ACSL3: variants seen among roughly 807,000 people sequenced by gnomAD.
ACSL3 encodes the protein fatty acid CoA ligase Acsl3.
In ACSL3, 34 loss-of-function variants were observed where a neutral mutation model predicts 84.7. The ratio of observed to expected loss-of-function variants is 0.40; its 90% CI spans 0.31 to 0.53. ACSL3 has a LOEUF of 0.53. Among genes scored for constraint, ACSL3 ranks in the 20% least tolerant of loss-of-function variants. The probability of loss-of-function intolerance (pLI) is 0.48; values close to 1 mark genes in which losing one functional copy is unlikely to be tolerated. For missense variants in ACSL3, 680 were observed against 873.1 expected, an observed-to-expected ratio of 0.78 and a Z score of 2.79; for synonymous variants, 315 against 299.4, an observed-to-expected ratio of 1.05 and a Z score of -0.54.
At chr2:222,877,110 A>T (rs1028897864) in intron 1 of ACSL3, among the ~76,000 whole-genome samples, 2 of 152,160 alleles carry the variant, frequency 1.3e-5, no homozygotes, top group East Asian at 3.9e-4. Context: ...GTTACAGGAT[A>T]AGTCAATTAA....
chr2:222,939,266 G>T (rs1243432530), intron 16 of ACSL3, among the ~76,000 whole-genome samples: 1 of 152,132 alleles, frequency 6.6e-6, no homozygotes, highest in East Asian at 1.9e-4. Flanking sequence ...AGAGGACTTT[G>T]TCCAGTCAGC....
chr2:222,888,771 C>A (rs374935253), intron 2 of ACSL3, among the ~76,000 whole-genome samples: 1 of 152,150 alleles, frequency 6.6e-6, no homozygotes, highest in African/African-American at 2.4e-5. Flanking sequence ...TCTTTCCAGA[C>A]GCTTTGTTTG....
chr2:222,910,971 C>G (rs1696425618), intron 4 of ACSL3, among the ~76,000 whole-genome samples: 1 of 151,764 alleles, frequency 6.6e-6, no homozygotes, highest in Non-Finnish European at 1.5e-5. Flanking sequence ...CTTTTCCAGC[C>G]TATGGATTGT....
At chr2:222,940,644 T>G (rs1697277898) in intron 16 of ACSL3, among the ~76,000 whole-genome samples, 1 of 152,244 alleles carries the variant, frequency 6.6e-6, no homozygotes, top group African/African-American at 2.4e-5. Flanking sequence ...AATACTTAAC[T>G]ATTGTGTTAC....
intron 16 of ACSL3, among the ~76,000 whole-genome samples, chr2:222,937,086 T>C (rs1697192330): frequency 6.6e-6 from 1 of 152,204 alleles, no homozygotes; most frequent in African/African-American, 2.4e-5. Context: ...TTTATTTGTG[T>C]CTTTTAAAAT....
At position 222,922,722 on chromosome 2, in the gene ACSL3, A is replaced by G. The variant is rs1345118671; in HGVS notation, c.971A>G (p.Tyr324Cys). 1.5e-5 allele frequency: 24 copies of G among 1,614,036 alleles called. No individual in the cohort carries two copies. The highest frequency in any genetic ancestry group is 4.0e-5 in the African/African-American group (3 of 74,948). The change falls in exon 9 of 17, where the codon TAC becomes TGC. Residue 324 changes from tyrosine (Y) to cysteine (C), a missense_variant. Transcript: ENST00000357430. ...RIPELGEEDVYIGYLPLAHVL... is the reference protein window; with the variant it reads ...RIPELGEEDVCIGYLPLAHVL... The stretch of plus-strand genomic sequence containing the variant: ...TTTTCTTTTAGAGAGGAAGATGTCT[A>G]CATTGGATATTTGCCTCTGGCCCAT...
In ACSL3 at chr2:222,898,271, C is replaced by T. The variant is rs536664193; in HGVS notation, c.-147-2403C>T. On this transcript the variant is annotated intron_variant, in intron 2 of 16. Coordinates refer to ENST00000357430, the MANE Select transcript of ACSL3 (RefSeq NM_004457.5). ...TTTTGATTCTTTTAAAGTTGTGTTT[C>T]GTCATACAGAAATGTTAACTCCTCT... 3.9e-5 allele frequency among the ~76,000 whole-genome samples: 6 copies of T among 152,098 alleles called. No homozygotes were observed. The East Asian group carries it at 7.7e-4, about 20-fold the overall frequency.
chr2:222,896,849 C>G (rs1299163146), intron 2 of ACSL3, among the ~76,000 whole-genome samples: 1 of 17,520 alleles, frequency 5.7e-5, no homozygotes, highest in Non-Finnish European at 8.7e-5. Flanking sequence ...ACCTCCCTCC[C>G]GGACGGGGCG....
At chr2:222,928,667 A>AAT (rs1384977588) in intron 12 of ACSL3, among the ~76,000 whole-genome samples, 195 bp from the exon 13 acceptor site, 3 of 152,014 alleles carry the variant, frequency 2.0e-5, no homozygotes, top group African/African-American at 7.2e-5. Context: ...AAAAAAAAAA[A>AAT]ACCTCAATGT....
intron 1 of ACSL3, among the ~76,000 whole-genome samples, chr2:222,883,897 A>G (rs1482641129): frequency 2.0e-5 from 3 of 152,160 alleles, no homozygotes; most frequent in South Asian, 2.1e-4. Flanking sequence ...ATTAATTTCA[A>G]AGAACTTTTT....
intron 13 of ACSL3, 143 bp from the exon 14 acceptor site, chr2:222,930,478 C>A: frequency 1.7e-6 from 1 of 598,176 alleles, no homozygotes; most frequent in Non-Finnish European, 2.7e-6. Flanking sequence ...AATTGATAAA[C>A]TTTGTTCATT....
intron 12 of ACSL3, among the ~76,000 whole-genome samples, chr2:222,927,672 TGAG>T (rs1049931584): frequency 2.0e-5 from 3 of 152,170 alleles, no homozygotes; most frequent in African/African-American, 7.2e-5. Flanking sequence ...TGGTTGTGTT[TGAG>T]GAGGAGATCT....
At chr2:222,922,622 G>T in intron 8 of ACSL3, 86 bp from the exon 9 acceptor site, 1 of 1,548,536 alleles carries the variant, frequency 6.5e-7, no homozygotes, top group Admixed American at 1.8e-5. Flanking sequence ...GCCCTTCCAT[G>T]TGCCTTCAAG....
chr2:222,890,638 G>T (rs1452074227), intron 2 of ACSL3, among the ~76,000 whole-genome samples: 1 of 151,760 alleles, frequency 6.6e-6, no homozygotes, highest in Non-Finnish European at 1.5e-5. Context: ...GGGTAGATTT[G>T]TTTGTTTGTT....
At chr2:222,869,207 A>T (rs1432853678) in intron 1 of ACSL3, among the ~76,000 whole-genome samples, 1 of 152,316 alleles carries the variant, frequency 6.6e-6, no homozygotes, top group East Asian at 1.9e-4. Context: ...ATTGCCATCC[A>T]TGTATGTAAA....
intron 1 of ACSL3, among the ~76,000 whole-genome samples, chr2:222,862,327 A>T (rs1695036149): frequency 6.6e-6 from 1 of 152,210 alleles, no homozygotes; most frequent in Non-Finnish European, 1.5e-5. Context: ...GGATTCAGAC[A>T]GGCCTGTGTA....
intron 1 of ACSL3, among the ~76,000 whole-genome samples, chr2:222,863,580 AGATTT>A (rs1402179307): frequency 1.3e-5 from 2 of 152,164 alleles, no homozygotes; most frequent in African/African-American, 4.8e-5. Flanking sequence ...CTTTTATGTG[AGATTT>A]GGGCTTGAAT....
At chr2:222,894,880 A>G (rs1171537432) in intron 2 of ACSL3, among the ~76,000 whole-genome samples, 1 of 152,120 alleles carries the variant, frequency 6.6e-6, no homozygotes, top group Non-Finnish European at 1.5e-5. Flanking sequence ...ATGAATCTTT[A>G]GATCATTTTC....
chr2:222,916,522 A>G (rs1696589352), intron 5 of ACSL3, 26 bp downstream of exon 5: 1 of 1,521,382 alleles, frequency 6.6e-7, no homozygotes, highest in African/African-American at 1.4e-5. Context: ...TATCTTCTGG[A>G]AGAATGAACT....
Sources: gnomAD v4.1 joint callset for allele counts (sites outside exome capture counted in the v4.1 genomes callset) on GRCh38, gnomAD v4.1.1 for gene constraint, MANE v1.5 for transcripts, NCBI Gene and HGNC (gene_info 2026-07-23, HGNC 2026-07-21) for gene names.